ANAPC10: variants seen among roughly 807,000 people sequenced by gnomAD.
ANAPC10 encodes the protein anaphase-promoting complex subunit 10.
In ANAPC10, 12 loss-of-function variants were observed where a neutral mutation model predicts 22.0. The observed-to-expected ratio is 0.55, with a 90% CI of 0.35 to 0.88. The LOEUF is 0.88. Among genes scored for constraint, ANAPC10 ranks in the 40% least tolerant of loss-of-function variants. The pLI, the probability that ANAPC10 is intolerant of heterozygous loss-of-function variation, is 0.01. For missense variants in ANAPC10, 188 were observed against 220.9 expected, an observed-to-expected ratio of 0.85 and a Z score of 0.94; for synonymous variants, 65 against 69.5, an observed-to-expected ratio of 0.94 and a Z score of 0.32.
chr4:145,029,490 T>C (rs548564733), intron 4 of ANAPC10, among the ~76,000 whole-genome samples: 1 of 152,298 alleles, frequency 6.6e-6, no homozygotes, highest in Non-Finnish European at 1.5e-5. Context: ...CTAATTAATA[T>C]AAACAGAAAT....
chr4:145,020,953 A>G (rs1368958005), intron 4 of ANAPC10, among the ~76,000 whole-genome samples: 2 of 152,164 alleles, frequency 1.3e-5, no homozygotes, highest in Non-Finnish European at 2.9e-5. Flanking sequence ...CATAGACAAC[A>G]CAAACAAATG....
intron 3 of ANAPC10, among the ~76,000 whole-genome samples, chr4:145,066,328 C>T (rs1029602044): frequency 6.6e-6 from 1 of 152,112 alleles, no homozygotes; most frequent in Non-Finnish European, 1.5e-5. Flanking sequence ...AAACTGACAT[C>T]TTTCTCTCTG....
At chr4:145,060,325 A>G (rs1351615102) in intron 4 of ANAPC10, among the ~76,000 whole-genome samples, 1 of 152,044 alleles carries the variant, frequency 6.6e-6, no homozygotes, top group Non-Finnish European at 1.5e-5. Flanking sequence ...GTTAAAATAC[A>G]CATTCTAGGG....
At chr4:145,031,205 A>G (rs1282774671) in intron 4 of ANAPC10, among the ~76,000 whole-genome samples, 1 of 152,194 alleles carries the variant, frequency 6.6e-6, no homozygotes, top group Non-Finnish European at 1.5e-5. Flanking sequence ...GACCTTGATC[A>G]CTTTTCCCTT....
chr4:145,077,525 G>A (rs929389974), intron 3 of ANAPC10, among the ~76,000 whole-genome samples: 1 of 151,980 alleles, frequency 6.6e-6, no homozygotes, highest in African/African-American at 2.4e-5. Context: ...ATTCTATAAG[G>A]CCAGCATCAC....
intron 4 of ANAPC10, among the ~76,000 whole-genome samples, chr4:145,018,000 G>T (rs1191741935): frequency 6.6e-6 from 1 of 150,848 alleles, no homozygotes; most frequent in Non-Finnish European, 1.5e-5. Context: ...GATAGCATTA[G>T]GTGGTATACC....
At chr4:145,065,739 G>C (rs1326344693) in intron 3 of ANAPC10, among the ~76,000 whole-genome samples, 1 of 151,638 alleles carries the variant, frequency 6.6e-6, no homozygotes, top group African/African-American at 2.4e-5. Flanking sequence ...AGTTACAGTA[G>C]AAAAAAGATT....
At chr4:145,045,556 T>C (rs968126961) in intron 4 of ANAPC10, among the ~76,000 whole-genome samples, 1 of 152,122 alleles carries the variant, frequency 6.6e-6, no homozygotes, top group African/African-American at 2.4e-5. Flanking sequence ...CAATTATTAA[T>C]GATCAACAAC....
intron 2 of ANAPC10, among the ~76,000 whole-genome samples, chr4:145,090,492 G>A (rs552268972): frequency 4.6e-5 from 7 of 152,228 alleles, no homozygotes; most frequent in South Asian, 2.1e-4. Context: ...TTCCATGATC[G>A]TTTCAAGCAA....
rs1393534778 is a variant in ANAPC10, at chr4:145,084,835, G to C, written c.116-3085C>G. Among the ~76,000 whole-genome samples, 4 of 152,086 alleles carry C rather than the reference G, an allele frequency of 2.6e-5. No homozygotes were observed. In the South Asian group the frequency reaches 6.2e-4, roughly 24 times the overall value. ...AAGATTAGGACAAAATGTAAAATAT[G>C]TCATTAGTAATAGTAGTCCAGTTAT... On this transcript the variant is annotated intron_variant, in intron 2 of 4. Coordinates refer to ENST00000507656, the MANE Select transcript of ANAPC10 (RefSeq NM_001256706.2).
Position 145,020,838 on chromosome 4 carries a change from CA to C in ANAPC10, c.328-25236del, listed in dbSNP as rs1257128175. ...AACTCAATCCTTTTTACAATAGCTGCAAAAAAAAAAATAAAAAAGACAAAGA... is the reference window on the plus strand; with the variant it reads ...AACTCAATCCTTTTTACAATAGCTGCAAAAAAAAAATAAAAAAGACAAAGA... On this transcript the variant is annotated intron_variant, in intron 4 of 4. Transcript: ENST00000507656. 4.9e-3 allele frequency among the ~76,000 whole-genome samples: 690 copies of C among 139,930 alleles called. 7 individuals carry two copies. Among genetic ancestry groups the C allele is most frequent in the African/African-American group, 0.016 (604 of 38,292 alleles). The allele number at this position is 139,930 out of a possible 152,430, so 91.8% of individuals were successfully genotyped here.
intron 4 of ANAPC10, among the ~76,000 whole-genome samples, chr4:145,013,046 T>C (rs1687253478): frequency 6.6e-6 from 1 of 152,180 alleles, no homozygotes. Flanking sequence ...GCTTCCCTTT[T>C]GTCTTCTGCT....
chr4:144,998,951 A>G (rs537932690), intron 4 of ANAPC10, among the ~76,000 whole-genome samples: 6 of 152,366 alleles, frequency 3.9e-5, no homozygotes, highest in African/African-American at 1.4e-4. Context: ...CTGAACCAAC[A>G]GAAATACAAA....
intron 4 of ANAPC10, among the ~76,000 whole-genome samples, chr4:145,038,263 C>T (rs1738918211): frequency 6.6e-6 from 1 of 152,092 alleles, no homozygotes; most frequent in African/African-American, 2.4e-5. Flanking sequence ...CTATAATCCT[C>T]GCACTTTGGG....
chr4:145,037,865 T>C (rs1029658958), intron 4 of ANAPC10, among the ~76,000 whole-genome samples: 1 of 149,872 alleles, frequency 6.7e-6, no homozygotes, highest in South Asian at 2.1e-4. Context: ...GAGGATCGAT[T>C]GAACCTAGAA....
chr4:145,050,373 A>C (rs1268725276), intron 4 of ANAPC10, among the ~76,000 whole-genome samples: 1 of 152,200 alleles, frequency 6.6e-6, no homozygotes, highest in African/African-American at 2.4e-5. Flanking sequence ...TTGTTCTTCC[A>C]TTTATAGCAC....
chr4:145,095,026 T>C (rs1047317856), intron 2 of ANAPC10, among the ~76,000 whole-genome samples: 20 of 151,986 alleles, frequency 1.3e-4, no homozygotes, highest in African/African-American at 4.6e-4. Flanking sequence ...ATAGTAGAGA[T>C]AGAGGAGGAA....
intron 4 of ANAPC10, among the ~76,000 whole-genome samples, chr4:145,007,196 C>A (rs187425510): frequency 6.6e-6 from 1 of 152,168 alleles, no homozygotes; most frequent in East Asian, 1.9e-4. Flanking sequence ...TAATGGGAGA[C>A]TTTAACACCC....
chr4:145,062,124 C>T (rs1376332490), intron 4 of ANAPC10, among the ~76,000 whole-genome samples: 1 of 151,448 alleles, frequency 6.6e-6, no homozygotes, highest in African/African-American at 2.4e-5. Flanking sequence ...TTAAGAAGCA[C>T]TGGGTGAATA....
Sources: gnomAD v4.1 joint callset for allele counts (sites outside exome capture counted in the v4.1 genomes callset) on GRCh38, gnomAD v4.1.1 for gene constraint, MANE v1.5 for transcripts, NCBI Gene and HGNC (gene_info 2026-07-23, HGNC 2026-07-21) for gene names.